The following CEMIP variants were observed in gnomAD, a reference collection of about 807,000 sequenced individuals.
The protein encoded by CEMIP is cell migration-inducing and hyaluronan-binding protein.
A neutral mutation model predicts 156.9 loss-of-function variants in CEMIP; 105 were observed. The ratio of observed to expected loss-of-function variants is 0.67; its 90% CI spans 0.57 to 0.79. The LOEUF (loss-of-function observed/expected upper bound fraction) is 0.79, where lower values mean the gene tolerates loss of function less well. Among genes scored for constraint, CEMIP ranks in the 30% least tolerant of loss-of-function variants. CEMIP has a pLI of 0.00. For missense variants in CEMIP, 1,457 were observed against 1,769.4 expected (o/e 0.82, Z 3.17); for synonymous variants, 676 against 668.4 (o/e 1.01, Z -0.17).
intron 12 of CEMIP, chr15:80,896,506 G>A (rs1899229645): frequency 2.8e-6 from 1 of 359,534 alleles, no homozygotes; most frequent in Non-Finnish European, 5.5e-6. Context: ...CAAGTTTGAG[G>A]GGGAGGAAGT....
Position 80,884,361 on chromosome 15 carries a change from C to T in CEMIP, c.797+7C>T. 6.2e-7 allele frequency: 1 copy of T among 1,613,920 alleles called. No homozygotes were observed. Among genetic ancestry groups the T allele is most frequent in the Non-Finnish European group, 8.5e-7 (1 of 1,179,912 alleles). On this transcript the variant is annotated splice_region_variant and intron_variant, in intron 7 of 29. Coordinates refer to ENST00000394685, the MANE Select transcript of CEMIP (RefSeq NM_001293298.2). Reference sequence around the variant, plus strand: ...TCCTGCACCTTGGATTTAGGTACTGCCCCTCACTTCGGCTTCCACTGGGCT... The same window carrying T: ...TCCTGCACCTTGGATTTAGGTACTGTCCCTCACTTCGGCTTCCACTGGGCT...
chr15:80,885,653 G>A (rs563158551), intron 7 of CEMIP, among the ~76,000 whole-genome samples: 3 of 152,248 alleles, frequency 2.0e-5, no homozygotes, highest in Non-Finnish European at 4.4e-5. Context: ...TCCAGGAGGT[G>A]TGACTGCAGG....
chr15:80,797,389 G>A (rs1896257041), intron 1 of CEMIP, among the ~76,000 whole-genome samples: 1 of 152,212 alleles, frequency 6.6e-6, no homozygotes, highest in Non-Finnish European at 1.5e-5. Context: ...GGTAGGGAGA[G>A]TGCAGGGAGG....
chr15:80,885,867 G>A (rs530572028), intron 7 of CEMIP, among the ~76,000 whole-genome samples: 5 of 152,348 alleles, frequency 3.3e-5, no homozygotes, highest in South Asian at 2.1e-4. Context: ...GGCACTCGCC[G>A]TCTTTTGCCA....
At chr15:80,798,626 C>CT (rs1288993960) in intron 1 of CEMIP, among the ~76,000 whole-genome samples, 1 of 152,052 alleles carries the variant, frequency 6.6e-6, no homozygotes, top group Non-Finnish European at 1.5e-5. Flanking sequence ...GAAAGCCATC[C>CT]TATGTATTTG....
chr15:80,798,009 G>T (rs1007542955), intron 1 of CEMIP, among the ~76,000 whole-genome samples: 1 of 152,220 alleles, frequency 6.6e-6, no homozygotes, highest in African/African-American at 2.4e-5. Context: ...ATAACTAGGA[G>T]TTGGAGTGGT....
chr15:80,864,944 G>A (rs1898085887), intron 1 of CEMIP, among the ~76,000 whole-genome samples: 1 of 152,152 alleles, frequency 6.6e-6, no homozygotes, highest in East Asian at 1.9e-4. Context: ...CAGGTAGTGT[G>A]ATGCTGCTGT....
At chr15:80,892,927 C>T (rs1423937377) in intron 10 of CEMIP, among the ~76,000 whole-genome samples, 8 of 152,200 alleles carry the variant, frequency 5.3e-5, no homozygotes, top group South Asian at 4.1e-4. Flanking sequence ...TGGCCCACGC[C>T]GGTAATCCCA....
intron 1 of CEMIP, among the ~76,000 whole-genome samples, chr15:80,855,662 A>G (rs560991040): frequency 3.9e-5 from 6 of 152,264 alleles, no homozygotes; most frequent in Middle Eastern, 3.4e-3. Flanking sequence ...AGCTGGGACC[A>G]TAGGCATATG....
At position 80,862,119 on chromosome 15, in the gene CEMIP, C is replaced by A. The variant is rs568679909; in HGVS notation, c.-175-11419C>A. ...TGGCAGAGCCTTTTGTGGATGATGC[C>A]TGGGGAAGCCAGAGTTGGGACTCGG... On this transcript the variant is annotated intron_variant, in intron 1 of 29. Transcript: ENST00000394685. 8.7e-4 allele frequency among the ~76,000 whole-genome samples: 133 copies of A among 152,322 alleles called. 1 individual carries two copies. The highest frequency in any genetic ancestry group is 1.6e-3 in the Non-Finnish European group (111 of 68,024).
At chr15:80,818,765 G>T (rs56788414) in intron 1 of CEMIP, among the ~76,000 whole-genome samples, 1 of 152,220 alleles carries the variant, frequency 6.6e-6, no homozygotes, top group African/African-American at 2.4e-5. Flanking sequence ...TGGTTCTGGG[G>T]CTTGTAGAGA....
intron 28 of CEMIP, among the ~76,000 whole-genome samples, chr15:80,945,197 G>A (rs1901498519): frequency 6.6e-6 from 1 of 152,218 alleles, no homozygotes; most frequent in Admixed American, 6.5e-5. Context: ...GACTGTGCTG[G>A]CTGGGGCATG....
chr15:80,800,203 A>G (rs1207602776), intron 1 of CEMIP, among the ~76,000 whole-genome samples: 1 of 152,182 alleles, frequency 6.6e-6, no homozygotes, highest in Admixed American at 6.5e-5. Context: ...CCTATGTTGA[A>G]GGGGTAGCTG....
chr15:80,890,550 G>A (rs1018614615), intron 10 of CEMIP, among the ~76,000 whole-genome samples: 14 of 149,992 alleles, frequency 9.3e-5, no homozygotes, highest in African/African-American at 3.4e-4. Flanking sequence ...TCGCACCACT[G>A]TACTCCAGCC....
chr15:80,835,664 A>G (rs569757642), intron 1 of CEMIP, among the ~76,000 whole-genome samples: 5 of 152,364 alleles, frequency 3.3e-5, no homozygotes, highest in South Asian at 4.1e-4. Flanking sequence ...CAGATTGGAA[A>G]TGTCCTTGAG....
Position 80,943,092 on chromosome 15 carries a change from A to G in CEMIP, c.3847A>G (p.Ile1283Val), listed in dbSNP as rs1901407920. ...GCAGCTTTTCAACTATGTGGCGACC[A>G]TCCCTGACAAGTGAGTCTGTACCTC... is the stretch of plus-strand genomic sequence containing the variant. The part of the protein sequence containing the change: ...PWQLFNYVAT[I>V]PDNSIVLMAS... The change falls in exon 28 of 30, where the codon ATC becomes GTC. Residue 1283 changes from isoleucine to valine, a missense_variant. Ile to Val is a conservative substitution (Grantham distance 29). Around this residue, in one of 5 missense-constraint regions of CEMIP, gnomAD observed 798 missense variants for 980.1 expected, o/e 0.81. Transcript: ENST00000394685. The G allele has an allele frequency of 1.1e-5, 18 of 1,614,254 alleles. No individual in the cohort carries two copies. Among genetic ancestry groups the G allele is most frequent in the Non-Finnish European group, 1.5e-5 (18 of 1,180,046 alleles).
chr15:80,947,158 A>T, intron 29 of CEMIP, 93 bp downstream of exon 29: 1 of 807,304 alleles, frequency 1.2e-6, no homozygotes. Flanking sequence ...CTGAGTTGAG[A>T]ACATGCTTTG....
At chr15:80,790,044 G>A (rs984525859) in intron 1 of CEMIP, among the ~76,000 whole-genome samples, 5 of 152,080 alleles carry the variant, frequency 3.3e-5, no homozygotes, top group African/African-American at 1.2e-4. Context: ...GGCCATTGTG[G>A]GATACGTGGT....
At chr15:80,896,476 G>C in intron 12 of CEMIP, 1 of 404,776 alleles carries the variant, frequency 2.5e-6, no homozygotes. Flanking sequence ...AAATAGGCTA[G>C]GGAAGCATAT....
Sources: allele counts gnomAD v4.1 joint callset (sites outside exome capture counted in the v4.1 genomes callset), GRCh38; gene constraint gnomAD v4.1.1; regional missense constraint gnomAD v4.1.1; transcripts MANE v1.5; gene names NCBI Gene and HGNC (gene_info 2026-07-23, HGNC 2026-07-21).